Variants in CCDC50 observed in about 807,000 individuals in gnomAD.
CCDC50 encodes coiled-coil domain containing 50.
CCDC50 carries 54 observed loss-of-function variants against 70.2 expected under a neutral mutation model. The observed-to-expected ratio is 0.77, with a 90% CI of 0.62 to 0.96. The LOEUF is 0.96. Ranked by LOEUF, CCDC50 falls within the 50% of genes least tolerant of loss-of-function variation. CCDC50 has a pLI of 0.00. For missense variants in CCDC50, 558 were observed against 578.7 expected (o/e 0.96, Z 0.37); for synonymous variants, 216 against 198.8 (o/e 1.09, Z -0.73).
At chr3:191,389,742 A>G in intron 11 of CCDC50, 140 bp downstream of exon 11, 1 of 683,476 alleles carries the variant, frequency 1.5e-6, no homozygotes, top group Non-Finnish European at 2.6e-6. Context: ...AGAACTCCTC[A>G]TTTATTAAAA....
chr3:191,373,077 A>T (rs1399980810), intron 5 of CCDC50, among the ~76,000 whole-genome samples: 1 of 138,890 alleles, frequency 7.2e-6, no homozygotes, highest in African/African-American at 2.6e-5. Flanking sequence ...ATATGTGTAT[A>T]AATATGTGTG....
In CCDC50 at chr3:191,334,133, C is replaced by G. The variant is rs371083409; in HGVS notation, c.49+4410C>G. 2.6e-4 allele frequency among the ~76,000 whole-genome samples: 40 copies of G among 152,126 alleles called. 1 individual carries two copies. The East Asian group carries it at 6.8e-3, about 26-fold the overall frequency. On this transcript the variant is annotated intron_variant, in intron 1 of 11. Transcript: ENST00000392455. ...GCAGGAAGGAATCTTAGATAATTTGCATATCTGCTGTGTGCCACATGTTGT... is the reference window on the plus strand; with the variant it reads ...GCAGGAAGGAATCTTAGATAATTTGGATATCTGCTGTGTGCCACATGTTGT...
chr3:191,391,792 A>T lies in CCDC50; in HGVS notation c.*32A>T, dbSNP rs765505062. Reference sequence around the variant, plus strand: ...AGGAATCTGCCTTGAAAATGGACTCACTATAGCAAATATTACTGGGTGATA... The same window carrying T: ...AGGAATCTGCCTTGAAAATGGACTCTCTATAGCAAATATTACTGGGTGATA... On this transcript the variant is annotated 3_prime_UTR_variant, in exon 12 of 12. Coordinates refer to ENST00000392455, the MANE Select transcript of CCDC50 (RefSeq NM_178335.3). The T allele has an allele frequency of 2.5e-6, 4 of 1,592,094 alleles. No homozygotes were observed. In the South Asian group the frequency reaches 4.4e-5, roughly 18 times the overall value.
chr3:191,360,374 T>C (rs1712441437), intron 3 of CCDC50, among the ~76,000 whole-genome samples: 1 of 152,256 alleles, frequency 6.6e-6, no homozygotes, highest in Non-Finnish European at 1.5e-5. Context: ...GTTTGCCTTC[T>C]CTACGGTGCT....
At chr3:191,385,244 T>C (rs754351415) in intron 10 of CCDC50, among the ~76,000 whole-genome samples, 106 of 152,314 alleles carry the variant, frequency 7.0e-4, no homozygotes, top group Middle Eastern at 6.8e-3. Context: ...CCAAACCGCT[T>C]TCCAGAGGGA....
chr3:191,384,333 G>A (rs965887178), intron 10 of CCDC50, among the ~76,000 whole-genome samples: 2 of 152,122 alleles, frequency 1.3e-5, no homozygotes, highest in African/African-American at 2.4e-5. Flanking sequence ...TATTTTCATA[G>A]TTAAAAGATA....
At chr3:191,380,770 C>T in intron 8 of CCDC50, 39 bp downstream of exon 8, 5 of 1,605,976 alleles carry the variant, frequency 3.1e-6, no homozygotes, top group Non-Finnish European at 4.3e-6. Flanking sequence ...TTGGAAATAT[C>T]CTAGTATATT....
Position 191,394,339 on chromosome 3 carries a change from C to T in CCDC50, c.*2579C>T, listed in dbSNP as rs895657302. ...ATTCAGCCAGTTAAATCCTCATACTCTTTCTCATTCAAATAATATAATAAT... is the reference window on the plus strand; with the variant it reads ...ATTCAGCCAGTTAAATCCTCATACTTTTTCTCATTCAAATAATATAATAAT... On this transcript the variant is annotated 3_prime_UTR_variant, in exon 12 of 12. Coordinates refer to ENST00000392455, the MANE Select transcript of CCDC50 (RefSeq NM_178335.3). The T allele has an allele frequency of 1.3e-5, 2 of 152,132 alleles. No homozygotes were observed. The highest frequency in any genetic ancestry group is 2.9e-5 in the Non-Finnish European group (2 of 67,988). 9.4% of individuals were successfully genotyped at this position (152,132 alleles called of 1,614,324 possible).
At chr3:191,371,314 T>C (rs866193973) in intron 5 of CCDC50, among the ~76,000 whole-genome samples, 2 of 152,210 alleles carry the variant, frequency 1.3e-5, no homozygotes, top group Middle Eastern at 3.4e-3. Flanking sequence ...TAAAAATGTG[T>C]TGGGAAATGA....
intron 1 of CCDC50, among the ~76,000 whole-genome samples, chr3:191,342,345 C>T (rs1488338505): frequency 1.3e-5 from 2 of 151,848 alleles, no homozygotes; most frequent in African/African-American, 4.8e-5. Context: ...TTGAATATTG[C>T]TCTCAATCGT....
intron 5 of CCDC50, among the ~76,000 whole-genome samples, chr3:191,373,808 C>G (rs561278097): frequency 6.6e-6 from 1 of 150,792 alleles, no homozygotes; most frequent in African/African-American, 2.5e-5. Flanking sequence ...GGGAAGCAAG[C>G]TTTCTTTTCT....
At chr3:191,376,376 T>C (rs1463468225) in intron 6 of CCDC50, among the ~76,000 whole-genome samples, 1 of 152,192 alleles carries the variant, frequency 6.6e-6, no homozygotes, top group East Asian at 1.9e-4. Context: ...ATATTATAGA[T>C]AAACCTCAAA....
intron 1 of CCDC50, among the ~76,000 whole-genome samples, chr3:191,335,653 A>G (rs1349449040): frequency 6.6e-6 from 1 of 152,082 alleles, no homozygotes; most frequent in Non-Finnish European, 1.5e-5. Flanking sequence ...TGTGCATAGG[A>G]TAGTTTTTAG....
At chr3:191,345,734 G>A (rs1711892587) in intron 1 of CCDC50, among the ~76,000 whole-genome samples, 1 of 151,686 alleles carries the variant, frequency 6.6e-6, no homozygotes, top group Non-Finnish European at 1.5e-5. Flanking sequence ...GAATTTAGGG[G>A]ATTAGAAAAA....
rs73185239 is a variant in CCDC50, at chr3:191,378,725, G to A, written c.977-1434G>A. The stretch of plus-strand genomic sequence containing the variant: ...TCAGATGGTCCACTCTTGGGACTAT[G>A]CCACTGTTTTTTTGTTTGTTTGTTT... On this transcript the variant is annotated intron_variant, in intron 6 of 11. Transcript: ENST00000392455. Among the ~76,000 whole-genome samples, 693 of 109,750 alleles carry A rather than the reference G, an allele frequency of 6.3e-3. 5 individuals are homozygous for A. The highest frequency in any genetic ancestry group is 7.6e-3 in the Non-Finnish European group (439 of 57,838). 72.0% of individuals were successfully genotyped at this position (109,750 alleles called of 152,430 possible). A position where few individuals can be genotyped will look rare whatever the true frequency, so the allele number is the denominator to read the frequency against.
At chr3:191,385,756 T>C (rs1295515084) in intron 10 of CCDC50, among the ~76,000 whole-genome samples, 1 of 152,116 alleles carries the variant, frequency 6.6e-6, no homozygotes, top group African/African-American at 2.4e-5. Flanking sequence ...CTTTCCTAGG[T>C]TTTCTTCTAA....
intron 1 of CCDC50, among the ~76,000 whole-genome samples, chr3:191,352,228 C>A (rs1400550994): frequency 7.0e-6 from 1 of 142,136 alleles, no homozygotes; most frequent in Non-Finnish European, 1.6e-5. Flanking sequence ...CTCATTCATC[C>A]TGAAATAGAG....
intron 4 of CCDC50, among the ~76,000 whole-genome samples, chr3:191,367,010 A>G (rs1005805137): frequency 3.3e-5 from 5 of 152,120 alleles, no homozygotes; most frequent in Non-Finnish European, 1.5e-5. Flanking sequence ...GAAAGCTGGG[A>G]GGAGAACGGA....
At chr3:191,367,364 A>G (rs1272661357) in intron 4 of CCDC50, among the ~76,000 whole-genome samples, 2 of 152,028 alleles carry the variant, frequency 1.3e-5, no homozygotes, top group Admixed American at 6.5e-5. Flanking sequence ...AGGACTCTGA[A>G]TTTTTAAGAC....
Sources: allele counts gnomAD v4.1 joint callset (sites outside exome capture counted in the v4.1 genomes callset), GRCh38; gene constraint gnomAD v4.1.1; transcripts MANE v1.5; gene names NCBI Gene and HGNC (gene_info 2026-07-23, HGNC 2026-07-21).